ENKUR: variants seen among roughly 807,000 people sequenced by gnomAD.
The protein encoded by ENKUR is enkurin.
A neutral mutation model predicts 27.6 loss-of-function variants in ENKUR; 19 were observed. The observed-to-expected ratio is 0.69, with a 90% confidence interval of 0.48 to 1.01. The LOEUF (loss-of-function observed/expected upper bound fraction) is 1.01. ENKUR is among the 50% of genes least tolerant of loss of function. The pLI, the probability that ENKUR is intolerant of heterozygous loss-of-function variation, is 0.00. For synonymous variants in ENKUR, 117 were observed against 96.9 expected (o/e 1.21, Z -1.22); for missense variants, 312 against 310.5 (o/e 1.00, Z -0.04).
chr10:25,017,392 C>T (rs1181557690), upstream of ENKUR, among the ~76,000 whole-genome samples: 4 of 152,102 alleles, frequency 2.6e-5, no homozygotes, highest in Non-Finnish European at 4.4e-5. Context: ...TGCCTCTGAA[C>T]CACCGGTACA....
At chr10:25,042,704 C>T (rs1034762711) in intron 2 of ENKUR, among the ~76,000 whole-genome samples, 2 of 151,766 alleles carry the variant, frequency 1.3e-5, no homozygotes, top group Non-Finnish European at 2.9e-5. Flanking sequence ...GGAAGAGCAC[C>T]TGGGCCAGGT....
At position 24,988,698 on chromosome 10, in the gene ENKUR, A is replaced by G. The variant is rs1254143982; in HGVS notation, c.594+1765T>C. 9.6e-3 allele frequency among the ~76,000 whole-genome samples: 336 copies of G among 35,016 alleles called. 18 individuals carry two copies. The highest frequency in any genetic ancestry group is 0.04 in the African/African-American group (291 of 7,312). 23.0% of individuals were successfully genotyped at this position (35,016 alleles called of 152,430 possible). ...TATATATATATATATATATATATAT[A>G]TATATATATATATATATATATATAT... On this transcript the variant is annotated intron_variant, in intron 4 of 5. Coordinates refer to ENST00000331161, the MANE Select transcript of ENKUR (RefSeq NM_145010.4).
intron 1 of ENKUR, among the ~76,000 whole-genome samples, chr10:25,010,037 T>C (rs1363403778): frequency 6.6e-6 from 1 of 152,180 alleles, no homozygotes; most frequent in African/African-American, 2.4e-5. Context: ...AAAGCGACTT[T>C]GGAACTGGGT....
chr10:24,988,008 G>A (rs1350068947), intron 4 of ENKUR, among the ~76,000 whole-genome samples: 1 of 151,860 alleles, frequency 6.6e-6, no homozygotes, highest in Non-Finnish European at 1.5e-5. Flanking sequence ...ATCACCTGAG[G>A]CCAGGAGTTT....
chr10:25,055,702 C>G (rs1023965191), intron 2 of ENKUR, among the ~76,000 whole-genome samples: 1 of 152,148 alleles, frequency 6.6e-6, no homozygotes, highest in African/African-American at 2.4e-5. Context: ...CCTTCTATTC[C>G]TTTATGAGTG....
chr10:25,049,624 C>G (rs1004549219), intron 2 of ENKUR, among the ~76,000 whole-genome samples: 50 of 152,046 alleles, frequency 3.3e-4, no homozygotes, highest in African/African-American at 1.2e-3. Flanking sequence ...CTCATCTCTA[C>G]TAAAAATACA....
At chr10:25,023,206 C>T in intron 2 of ENKUR, 3 of 1,591,054 alleles carry the variant, frequency 1.9e-6, no homozygotes, top group Non-Finnish European at 8.6e-7. Flanking sequence ...TTGGCTTGGG[C>T]AGAAAAGTGA....
chr10:25,030,987 G>A (rs911449530), intron 2 of ENKUR, among the ~76,000 whole-genome samples: 2 of 152,070 alleles, frequency 1.3e-5, no homozygotes, highest in African/African-American at 4.8e-5. Context: ...GCATGTTGGT[G>A]GGCACCTGTA....
intron 4 of ENKUR, among the ~76,000 whole-genome samples, chr10:24,986,797 G>C (rs115874416): frequency 6.6e-6 from 1 of 152,106 alleles, no homozygotes; most frequent in Non-Finnish European, 1.5e-5. Flanking sequence ...AATACGCTAC[G>C]TGCTGACTTT....
intron 2 of ENKUR, among the ~76,000 whole-genome samples, chr10:25,035,892 T>G (rs1851002118): frequency 6.6e-6 from 1 of 152,220 alleles, no homozygotes; most frequent in Admixed American, 6.5e-5. Context: ...TCTTTGGGCG[T>G]CAGTTCACTG....
At chr10:24,992,945 A>G (rs1464793775) in intron 3 of ENKUR, among the ~76,000 whole-genome samples, 1 of 152,190 alleles carries the variant, frequency 6.6e-6, no homozygotes, top group Non-Finnish European at 1.5e-5. Flanking sequence ...GAGCTTCATC[A>G]TGATGATTCT....
chr10:25,054,534 TCTTTCTTTCTTTC>T (rs1851230178), intron 2 of ENKUR, among the ~76,000 whole-genome samples: 1 of 140,398 alleles, frequency 7.1e-6, no homozygotes. Context: ...TTCTTTCCTT[TCTTTCTTTCTTTC>T]CTTTCTTTCT....
Position 25,008,729 on chromosome 10 carries a change from C to T in ENKUR, c.77+7131G>A, listed in dbSNP as rs942923818. Among the ~76,000 whole-genome samples, 4 of 152,150 alleles carry T rather than the reference C, an allele frequency of 2.6e-5. No homozygotes were observed. The East Asian group carries it at 7.7e-4, about 29-fold the overall frequency. On this transcript the variant is annotated intron_variant, in intron 1 of 5. Transcript: ENST00000331161. ...CTCAGGGATCTAGAACTAGAAATACCATTTGACCCAGCCATCCCATTACTG... is the reference window on the plus strand; with the variant it reads ...CTCAGGGATCTAGAACTAGAAATACTATTTGACCCAGCCATCCCATTACTG...
At chr10:25,019,392 T>G (rs1314707999), upstream of ENKUR, among the ~76,000 whole-genome samples, 2 of 152,146 alleles carry the variant, frequency 1.3e-5, no homozygotes, top group Non-Finnish European at 2.9e-5. Flanking sequence ...GAGGATTGCT[T>G]GAGCCTAGGA....
At chr10:25,042,805 T>A (rs1024245608) in intron 2 of ENKUR, among the ~76,000 whole-genome samples, 2 of 151,164 alleles carry the variant, frequency 1.3e-5, no homozygotes, top group Admixed American at 6.6e-5. Context: ...CAGTGACTTA[T>A]GAGCACACTA....
chr10:25,021,528 C>T (rs554610278), intron 2 of ENKUR, among the ~76,000 whole-genome samples: 2 of 152,094 alleles, frequency 1.3e-5, no homozygotes, highest in Non-Finnish European at 2.9e-5. Flanking sequence ...TCCTTCAGTA[C>T]TGTTTAGTGA....
intron 2 of ENKUR, among the ~76,000 whole-genome samples, chr10:25,030,629 G>T (rs371565186): frequency 6.6e-6 from 1 of 152,030 alleles, no homozygotes; most frequent in Non-Finnish European, 1.5e-5. Flanking sequence ...GTGCTTGTTT[G>T]TTTTGCTGCT....
At chr10:24,989,320 G>A (rs1391648124) in intron 4 of ENKUR, among the ~76,000 whole-genome samples, 1 of 152,052 alleles carries the variant, frequency 6.6e-6, no homozygotes, top group Non-Finnish European at 1.5e-5. Context: ...GAACATCTGC[G>A]TTTTCACTGG....
chr10:25,050,645 A>C (rs1393552368), intron 2 of ENKUR, among the ~76,000 whole-genome samples: 3 of 152,154 alleles, frequency 2.0e-5, no homozygotes, highest in African/African-American at 7.2e-5. Context: ...AAACCATATC[A>C]TGTTTCATCC....
Sources: gnomAD v4.1 joint callset for allele counts (sites outside exome capture counted in the v4.1 genomes callset) on GRCh38, gnomAD v4.1.1 for gene constraint, MANE v1.5 for transcripts, NCBI Gene and HGNC (gene_info 2026-07-23, HGNC 2026-07-21) for gene names.